Variants in FBXL20 observed in about 807,000 individuals in gnomAD.
FBXL20 encodes the protein F-box and leucine rich repeat protein 20, also known as F-box/LRR-repeat protein 20.
A neutral mutation model predicts 64.0 loss-of-function variants in FBXL20; 11 were observed. The observed-to-expected ratio is 0.17, with a 90% confidence interval of 0.11 to 0.28. The LOEUF (loss-of-function observed/expected upper bound fraction) is 0.28. Among genes scored for constraint, FBXL20 ranks in the 10% least tolerant of loss-of-function variants. The probability of loss-of-function intolerance (pLI) is 1.00; values close to 1 mark genes in which losing one functional copy is unlikely to be tolerated. For missense variants in FBXL20, 303 were observed against 526.2 expected, an observed-to-expected ratio of 0.58 and a Z score of 4.15; for synonymous variants, 184 against 189.0, an observed-to-expected ratio of 0.97 and a Z score of 0.22.
At chr17:39,398,036 C>CAGGCGGGGGGGGGGGGGGGGGGGGG (rs1173400249) in intron 1 of FBXL20, among the ~76,000 whole-genome samples, 1 of 62,936 alleles carries the variant, frequency 1.6e-5, no homozygotes, top group Non-Finnish European at 3.6e-5. Flanking sequence ...GGGAGGCCGG[C>CAGGCGGGGGGGGGGGGGGGGGGGGG]GGGCGGGGGG....
intron 2 of FBXL20, 61 bp downstream of exon 2, chr17:39,343,119 T>G: frequency 7.7e-7 from 1 of 1,304,972 alleles, no homozygotes; most frequent in Non-Finnish European, 1.1e-6. Context: ...GTTAAAAAAT[T>G]TTAAACAGGC....
chr17:39,392,271 A>T (rs1170174312), intron 1 of FBXL20, among the ~76,000 whole-genome samples: 2 of 151,504 alleles, frequency 1.3e-5, no homozygotes, highest in Non-Finnish European at 2.9e-5. Context: ...GAAACCCCAT[A>T]TCTACTAAAA....
intron 2 of FBXL20, among the ~76,000 whole-genome samples, chr17:39,329,808 A>C (rs1055009784): frequency 4.6e-5 from 7 of 151,948 alleles, no homozygotes; most frequent in African/African-American, 1.7e-4. Context: ...GACCAGCCTG[A>C]GCAACATAGC....
chr17:39,332,565 CAG>C (rs1460050143), intron 2 of FBXL20, among the ~76,000 whole-genome samples: 13 of 115,306 alleles, frequency 1.1e-4, no homozygotes, highest in African/African-American at 4.4e-4. Flanking sequence ...TTTTTTAAGA[CAG>C]AGTCTCGCTC....
intron 11 of FBXL20, among the ~76,000 whole-genome samples, chr17:39,269,506 T>TTC (rs969240593): frequency 7.0e-6 from 1 of 143,286 alleles, no homozygotes; most frequent in African/African-American, 2.6e-5. Context: ...CCTCTTTTTT[T>TTC]TTTTTTTTTT....
rs548666972 is a variant in FBXL20, at chr17:39,357,546, G to A, written c.43-14305C>T. ...CAGTTTTATAATTATCATCTTACGC[G>A]AAACCCCCTTTATTTCTTGAGACAG... On this transcript the variant is annotated intron_variant, in intron 1 of 14. Coordinates refer to ENST00000264658, the MANE Select transcript of FBXL20 (RefSeq NM_032875.3). 1.3e-4 allele frequency among the ~76,000 whole-genome samples: 19 copies of A among 151,800 alleles called. No individual in the cohort carries two copies. The South Asian group carries it at 3.7e-3, about 30-fold the overall frequency.
chr17:39,355,128 A>G (rs911841687), intron 1 of FBXL20, among the ~76,000 whole-genome samples: 23 of 152,094 alleles, frequency 1.5e-4, no homozygotes, highest in Non-Finnish European at 2.4e-4. Flanking sequence ...GCGGCATTTC[A>G]CCATGTTGGT....
intron 2 of FBXL20, among the ~76,000 whole-genome samples, chr17:39,313,054 A>G (rs1249050506): frequency 6.7e-6 from 1 of 149,390 alleles, no homozygotes; most frequent in African/African-American, 2.5e-5. Context: ...GAGTAGCTGG[A>G]ATTACCGGCG....
chr17:39,387,952 A>C (rs1421397535), intron 1 of FBXL20, among the ~76,000 whole-genome samples: 1 of 152,124 alleles, frequency 6.6e-6, no homozygotes, highest in African/African-American at 2.4e-5. Context: ...CTGTATTATA[A>C]AAACTAAAAA....
In FBXL20 at chr17:39,392,652, A is replaced by C. The variant is rs372733723; in HGVS notation, c.42+8709T>G. Among the ~76,000 whole-genome samples, 50 of 152,204 alleles carry C rather than the reference A, an allele frequency of 3.3e-4. 1 individual carries two copies. Among genetic ancestry groups the C allele is most frequent in the Middle Eastern group, 3.4e-3 (1 of 294 alleles). On this transcript the variant is annotated intron_variant, in intron 1 of 14. Coordinates refer to ENST00000264658, the MANE Select transcript of FBXL20 (RefSeq NM_032875.3). ...TGCCACATATAATTCCTCACTCTGC[A>C]GATAGTAAGCCAAACATGAAGTGCC...
intron 13 of FBXL20, 23 bp from the exon 14 acceptor site, chr17:39,264,410 A>T (rs2046774051): frequency 1.9e-6 from 3 of 1,605,172 alleles, no homozygotes; most frequent in Non-Finnish European, 2.6e-6. Flanking sequence ...AGAGCAAGGA[A>T]GGATGTTGAA....
intron 1 of FBXL20, among the ~76,000 whole-genome samples, chr17:39,375,636 A>AT (rs1278377518): frequency 6.6e-6 from 1 of 152,206 alleles, no homozygotes; most frequent in Non-Finnish European, 1.5e-5. Flanking sequence ...TAATACTTAT[A>AT]TGTACCCCAC....
chr17:39,360,326 A>G (rs1195599337), intron 1 of FBXL20, among the ~76,000 whole-genome samples: 2 of 152,236 alleles, frequency 1.3e-5, no homozygotes, highest in East Asian at 1.9e-4. Context: ...GACAGGTTTC[A>G]TAACAATGTG....
chr17:39,377,445 G>A (rs576936556), intron 1 of FBXL20, among the ~76,000 whole-genome samples: 2 of 151,728 alleles, frequency 1.3e-5, no homozygotes, highest in African/African-American at 2.4e-5. Context: ...CCCGTTTCCC[G>A]CACAGCTGGC....
intron 6 of FBXL20, among the ~76,000 whole-genome samples, chr17:39,285,986 C>T (rs1253309410): frequency 6.6e-6 from 1 of 152,180 alleles, no homozygotes; most frequent in Non-Finnish European, 1.5e-5. Flanking sequence ...AATCCCTACT[C>T]AAGATAACCT....
chr17:39,348,696 G>A (rs1359111276), intron 1 of FBXL20, among the ~76,000 whole-genome samples: 1 of 152,144 alleles, frequency 6.6e-6, no homozygotes, highest in African/African-American at 2.4e-5. Context: ...AAGTTGTAAT[G>A]TGTTTACATG....
chr17:39,262,614 C>T (rs967822065), intron 14 of FBXL20, among the ~76,000 whole-genome samples: 3 of 152,066 alleles, frequency 2.0e-5, no homozygotes, highest in African/African-American at 7.2e-5. Context: ...AATAAGCACA[C>T]TGCCTTTCCT....
intron 10 of FBXL20, among the ~76,000 whole-genome samples, chr17:39,273,570 G>A (rs1342375150): frequency 1.3e-5 from 2 of 151,718 alleles, no homozygotes; most frequent in Non-Finnish European, 2.9e-5. Flanking sequence ...GCTCACGCCT[G>A]TAAACCCAGC....
intron 1 of FBXL20, among the ~76,000 whole-genome samples, chr17:39,392,516 C>T (rs1003176149): frequency 2.6e-5 from 4 of 151,380 alleles, no homozygotes; most frequent in South Asian, 4.2e-4. Context: ...GTATACAGTG[C>T]GTTGGCTTTT....
Sources: gnomAD v4.1 joint callset for allele counts (sites outside exome capture counted in the v4.1 genomes callset) on GRCh38, gnomAD v4.1.1 for gene constraint, MANE v1.5 for transcripts, NCBI Gene and HGNC (gene_info 2026-07-23, HGNC 2026-07-21) for gene names.